Variants in AKNA observed in about 807,000 individuals in gnomAD.
AKNA encodes AT-hook transcription factor, also known as microtubule organization protein AKNA.
Under a neutral mutation model 138.8 loss-of-function variants are expected in AKNA, and 67 were observed. The ratio of observed to expected loss-of-function variants is 0.48; its 90% CI spans 0.40 to 0.59. The LOEUF (loss-of-function observed/expected upper bound fraction) is 0.59, where lower values mean the gene tolerates loss of function less well. AKNA is among the 20% of genes least tolerant of loss of function. AKNA has a pLI of 0.00. For synonymous variants in AKNA, 737 were observed against 754.4 expected, an observed-to-expected ratio of 0.98 and a Z score of 0.38; for missense variants, 1,813 against 1,880.4, an observed-to-expected ratio of 0.96 and a Z score of 0.66.
upstream of AKNA, chr9:114,388,032 C>G (rs535920176): frequency 7.4e-6 from 2 of 271,498 alleles, no homozygotes; most frequent in Non-Finnish European, 1.6e-5. Flanking sequence ...CACCTCTCCC[C>G]GCCCCTGCCG....
intron 20 of AKNA, 54 bp downstream of exon 20, chr9:114,341,952 CCCT>C: frequency 1.3e-6 from 2 of 1,510,828 alleles, no homozygotes; most frequent in Non-Finnish European, 1.8e-6. Context: ...GGTCTAATAA[CCCT>C]GGTCAAGGAG....
intron 21 of AKNA, among the ~76,000 whole-genome samples, chr9:114,338,991 G>A (rs1830166509): frequency 6.6e-6 from 1 of 152,178 alleles, no homozygotes; most frequent in African/African-American, 2.4e-5. Context: ...CAAAACAGCA[G>A]CCTGCACTCC....
At position 114,374,139 on chromosome 9, in the gene AKNA, T is replaced by C; in HGVS notation, c.1370A>G (p.Tyr457Cys). Residue 457 changes from tyrosine to cysteine, a missense_variant, in exon 4 of 22, where the codon TAC (tyrosine) becomes TGC (cysteine). Coordinates refer to ENST00000374088, the MANE Select transcript of AKNA (RefSeq NM_001317950.2). The part of the protein sequence containing the change: ...QEDYHRLLTK[Y>C]AEAENTIDQL... The stretch of plus-strand genomic sequence containing the variant: ...GTCAATGGTGTTCTCGGCCTCAGCG[T>C]ACTTGGTGAGGAGCCTGTGGTAGTC... 1 of 1,559,360 alleles carries C rather than the reference T, an allele frequency of 6.4e-7. No individual in the cohort carries two copies. The highest frequency in any genetic ancestry group is 1.2e-5 in the South Asian group (1 of 84,616).
chr9:114,338,042 G>A (rs1830112651), intron 21 of AKNA, among the ~76,000 whole-genome samples: 1 of 152,174 alleles, frequency 6.6e-6, no homozygotes, highest in South Asian at 2.1e-4. Flanking sequence ...AGGGGGTGTG[G>A]CCTCAGCACT....
intron 21 of AKNA, among the ~76,000 whole-genome samples, chr9:114,338,383 A>G (rs2131756984): frequency 6.6e-6 from 1 of 152,372 alleles, no homozygotes; most frequent in South Asian, 2.1e-4. Flanking sequence ...ACAAGTGTTG[A>G]CAAGAATGTG....
In AKNA at chr9:114,337,013, G is replaced by GCCCCCCCCCCCCCCCC; in HGVS notation, c.*40_*41insGGGGGGGGGGGGGGGG. The GCCCCCCCCCCCCCCCC allele has an allele frequency of 6.7e-6, 8 of 1,185,370 alleles. No individual in the cohort carries two copies. In the South Asian group the frequency reaches 1.5e-4, roughly 22 times the overall value. 73.4% of individuals were successfully genotyped at this position (1,185,370 alleles called of 1,614,324 possible). On this transcript the variant is annotated 3_prime_UTR_variant, in exon 22 of 22. Coordinates refer to ENST00000374088, the MANE Select transcript of AKNA (RefSeq NM_001317950.2). ...CCACTCCTGGCCTGGCAGGCCACCT[G>GCCCCCCCCCCCCCCCC]CCCACCCACCCACCCATCTGCCTCT...
At chr9:114,395,684 A>G (rs903694563), upstream of AKNA, among the ~76,000 whole-genome samples, 2 of 149,844 alleles carry the variant, frequency 1.3e-5, no homozygotes, top group African/African-American at 4.9e-5. Flanking sequence ...GCTGCCAAGC[A>G]GAAGCAAGGC....
In AKNA at chr9:114,347,705, G is replaced by C; in HGVS notation, c.3398+19C>G. ...GTAGCTGCCACCAGGACAGAGGTGG[G>C]AGTTTTGAGGTCACCCACCTGCCAT... On this transcript the variant is annotated intron_variant, in intron 16 of 21. Transcript: ENST00000374088. 1 of 1,509,006 alleles carries C rather than the reference G, an allele frequency of 6.6e-7. No homozygotes were observed. The highest frequency in any genetic ancestry group is 8.9e-7 in the Non-Finnish European group (1 of 1,127,060). The allele number at this position is 1,509,006 out of a possible 1,614,324, so 93.5% of individuals were successfully genotyped here.
At chr9:114,371,953 C>A (rs1439937981) in intron 4 of AKNA, among the ~76,000 whole-genome samples, 2 of 152,158 alleles carry the variant, frequency 1.3e-5, no homozygotes, top group African/African-American at 2.4e-5. Context: ...GAGGCACTGG[C>A]CAGCTGGAAT....
chr9:114,377,731 TCAAACC>T, intron 2 of AKNA, 199 bp from the exon 3 acceptor site: 1 of 607,326 alleles, frequency 1.6e-6, no homozygotes, highest in Non-Finnish European at 2.8e-6. Context: ...AAACTCAAAC[TCAAACC>T]CAAACCCGGT....
At chr9:114,378,382 A>C (rs2132067314) in intron 2 of AKNA, among the ~76,000 whole-genome samples, 1 of 152,306 alleles carries the variant, frequency 6.6e-6, no homozygotes, top group South Asian at 2.1e-4. Context: ...TCTACTTTGT[A>C]ACACTTATCA....
At chr9:114,348,520 T>G (rs1315470062) in intron 15 of AKNA, among the ~76,000 whole-genome samples, 21 of 152,170 alleles carry the variant, frequency 1.4e-4, no homozygotes. Context: ...GGGAGACACC[T>G]CGATGCTTCC....
Position 114,359,588 on chromosome 9 carries a change from A to T in AKNA, c.2492+6T>A, listed in dbSNP as rs1423723436. Reference sequence around the variant, plus strand: ...AACATTCTGCAGGAAAGGCTCAGTGACTTACTCCAGGGGAGCCCCATGACT... The same window carrying T: ...AACATTCTGCAGGAAAGGCTCAGTGTCTTACTCCAGGGGAGCCCCATGACT... On this transcript the variant is annotated splice_donor_region_variant and intron_variant, in intron 11 of 21. Transcript: ENST00000374088. 6.2e-7 allele frequency: 1 copy of T among 1,614,124 alleles called. No individual in the cohort carries two copies. Among genetic ancestry groups the T allele is most frequent in the Non-Finnish European group, 8.5e-7 (1 of 1,180,020 alleles).
chr9:114,368,290 T>G, intron 5 of AKNA, 149 bp downstream of exon 5: 1 of 905,894 alleles, frequency 1.1e-6, no homozygotes, highest in Non-Finnish European at 1.5e-6. Context: ...CTCTGACCCT[T>G]TTGAGTCAAA....
intron 2 of AKNA, among the ~76,000 whole-genome samples, chr9:114,378,137 C>G: frequency 6.6e-6 from 1 of 152,206 alleles, no homozygotes. Context: ...ATCCATCTCT[C>G]TCCATGGCCC....
chr9:114,363,592 T>C (rs545055858), intron 7 of AKNA, among the ~76,000 whole-genome samples: 1 of 152,352 alleles, frequency 6.6e-6, no homozygotes, highest in Admixed American at 6.5e-5. Context: ...CATAACATTT[T>C]TTTAGAAACT....
intron 17 of AKNA, 82 bp downstream of exon 17, chr9:114,346,587 C>A: frequency 9.1e-7 from 1 of 1,101,538 alleles, no homozygotes; most frequent in Non-Finnish European, 1.3e-6. Flanking sequence ...TCCTTGAATA[C>A]TGTTGCTGTG....
upstream of AKNA, among the ~76,000 whole-genome samples, chr9:114,398,189 C>T (rs575024911): frequency 1.2e-4 from 19 of 152,306 alleles, no homozygotes; most frequent in African/African-American, 4.3e-4. The surrounding 1 kb of genome is among the most constrained non-coding windows in gnomAD (Gnocchi z 4.2). Context: ...AACCCCGCGG[C>T]CGGCACGGTT....
At chr9:114,373,929 T>C (rs1832982210) in intron 4 of AKNA, among the ~76,000 whole-genome samples, 164 bp downstream of exon 4, 1 of 143,104 alleles carries the variant, frequency 7.0e-6, no homozygotes, top group Admixed American at 6.9e-5. Flanking sequence ...GCAAGGTCAC[T>C]GCCCAAGGTC....
Sources: gnomAD v4.1 joint callset for allele counts (sites outside exome capture counted in the v4.1 genomes callset) on GRCh38, gnomAD v4.1.1 for gene constraint, Gnocchi (gnomAD v3.1) non-coding constraint, MANE v1.5 for transcripts, NCBI Gene and HGNC (gene_info 2026-07-23, HGNC 2026-07-21) for gene names.